AOX1: variants seen among roughly 807,000 people sequenced by gnomAD.
AOX1 encodes the protein aldehyde oxidase.
In AOX1, 153 loss-of-function variants were observed where a neutral mutation model predicts 169.5. The observed-to-expected ratio is 0.90, with a 90% CI of 0.79 to 1.03. AOX1 has a LOEUF of 1.03. AOX1 is among the 50% of genes least tolerant of loss of function. The probability of loss-of-function intolerance (pLI) is 0.00; values close to 1 mark genes in which losing one functional copy is unlikely to be tolerated. For synonymous variants in AOX1, 562 were observed against 581.9 expected (o/e 0.97, Z 0.49); for missense variants, 1,656 against 1,663.9 (o/e 1.00, Z 0.08).
At chr2:200,599,520 A>T in intron 4 of AOX1, 100 bp from the exon 5 acceptor site, 1 of 961,390 alleles carries the variant, frequency 1.0e-6, no homozygotes. Flanking sequence ...CTTAACATGC[A>T]GACAAATCAC....
chr2:200,674,237 A>T (rs2036064511), downstream of AOX1, among the ~76,000 whole-genome samples: 1 of 152,192 alleles, frequency 6.6e-6, no homozygotes, highest in South Asian at 2.1e-4. Flanking sequence ...TTGGCTCCAT[A>T]CTTGGGTACA....
intron 26 of AOX1, among the ~76,000 whole-genome samples, chr2:200,653,595 C>G (rs565695813): frequency 1.3e-5 from 2 of 152,232 alleles, no homozygotes; most frequent in Admixed American, 1.3e-4. Flanking sequence ...CCGCCTTCAT[C>G]GTCCCACAGG....
At chr2:200,634,231 A>T (rs1164888273) in intron 20 of AOX1, among the ~76,000 whole-genome samples, 2 of 125,080 alleles carry the variant, frequency 1.6e-5, no homozygotes, top group Non-Finnish European at 3.1e-5. Flanking sequence ...GCTTCTCCGG[A>T]ACTAAGTCTG....
rs1249376794 is a variant in AOX1 at position 200,668,754 on chromosome 2, T to C, written c.3749T>C (p.Ile1250Thr). 6.8e-6 allele frequency: 11 copies of C among 1,614,152 alleles called. No homozygotes were observed. In the Middle Eastern group the frequency reaches 4.9e-4, roughly 73 times the overall value. The change falls in exon 33 of 35, where the codon ATT (isoleucine) becomes ACT (threonine). Residue 1250 changes from isoleucine to threonine, a missense_variant. Ile to Thr is a moderately conservative substitution (Grantham distance 89). Coordinates refer to ENST00000374700, the MANE Select transcript of AOX1 (RefSeq NM_001159.4). ...AICDMPTELH[I>T]ALLPPSQNSN... is the part of the protein sequence containing the mutation. ...TGTGACATGCCCACGGAGTTGCACA[T>C]TGCTTTGTTGCCTCCTTCTCAAAAC...
Position 200,615,958 on chromosome 2 carries a change from T to C in AOX1, c.1612-13T>C. 3.8e-6 allele frequency: 6 copies of C among 1,596,282 alleles called. No homozygotes were observed. The South Asian group carries it at 6.6e-5, about 18-fold the overall frequency. On this transcript the variant is annotated splice_polypyrimidine_tract_variant and intron_variant, in intron 15 of 34. Coordinates refer to ENST00000374700, the MANE Select transcript of AOX1 (RefSeq NM_001159.4). Reference sequence around the variant, plus strand: ...AAACTATTTAAAATATCTGCAATGGTTCTACTTTTCAGGATCCAGTTCACT... The same window carrying C: ...AAACTATTTAAAATATCTGCAATGGCTCTACTTTTCAGGATCCAGTTCACT...
chr2:200,617,173 A>G (rs2034776189), intron 16 of AOX1, among the ~76,000 whole-genome samples: 1 of 152,190 alleles, frequency 6.6e-6, no homozygotes, highest in Non-Finnish European at 1.5e-5. Flanking sequence ...AGAGTTTATC[A>G]TTGATTGCAA....
chr2:200,663,572 A>ACTCTCTCT (rs1226325589), intron 31 of AOX1, among the ~76,000 whole-genome samples: 1 of 105,058 alleles, frequency 9.5e-6, no homozygotes, highest in Non-Finnish European at 2.0e-5. Context: ...ACACACACAC[A>ACTCTCTCT]CTCTCTCTCT....
At chr2:200,635,036 CA>C in intron 21 of AOX1, 121 bp downstream of exon 21, 1 of 1,249,098 alleles carries the variant, frequency 8.0e-7, no homozygotes, top group Non-Finnish European at 1.1e-6. Context: ...TGCTTGAACC[CA>C]GGAGCTCAAG....
At chr2:200,681,595 A>C (rs186330256), downstream of AOX1, 92 of 152,616 alleles carry the variant, frequency 6.0e-4, no homozygotes, top group African/African-American at 2.1e-3. Flanking sequence ...GCTCAAAAAA[A>C]TTTATTGATT....
At chr2:200,589,301 T>C (rs975855681) in intron 1 of AOX1, among the ~76,000 whole-genome samples, 2 of 152,174 alleles carry the variant, frequency 1.3e-5, no homozygotes, top group African/African-American at 4.8e-5. Flanking sequence ...ATGACCCATT[T>C]AACATGGAGT....
chr2:200,602,260 CAG>C (rs758789037), intron 5 of AOX1, 22 bp from the exon 6 acceptor site: 3 of 1,612,030 alleles, frequency 1.9e-6, no homozygotes, highest in Non-Finnish European at 2.5e-6. Flanking sequence ...ACTTGGCTAA[CAG>C]AGCTGGGTTT....
At chr2:200,658,945 G>A (rs928253055) in intron 27 of AOX1, among the ~76,000 whole-genome samples, 2 of 152,170 alleles carry the variant, frequency 1.3e-5, no homozygotes, top group Admixed American at 6.5e-5. Context: ...ACTATCACCA[G>A]AAAGTCAAAG....
At chr2:200,677,573 TG>T (rs2036118150), downstream of AOX1, among the ~76,000 whole-genome samples, 1 of 152,210 alleles carries the variant, frequency 6.6e-6, no homozygotes, top group African/African-American at 2.4e-5. Flanking sequence ...CTAGCAAGAA[TG>T]GAAGAGAAGT....
chr2:200,657,190 A>ATATATATATATATATATATATTTTTTTTT, intron 27 of AOX1, among the ~76,000 whole-genome samples: 1 of 62,914 alleles, frequency 1.6e-5, no homozygotes, highest in Non-Finnish European at 2.6e-5. Flanking sequence ...ATATATATAT[A>ATATATATATATATATATATATTTTTTTTT]TTTTTTTTTT....
In AOX1 at chr2:200,666,687, A is replaced by G; in HGVS notation, c.3544A>G (p.Asn1182Asp). The change falls in exon 32 of 35, where the codon AAC (asparagine) becomes GAC (aspartate). Residue 1182 changes from asparagine to aspartate, a missense_variant and splice_region_variant. Physicochemically the swap from Asn to Asp is conservative, Grantham distance 23. Coordinates refer to ENST00000374700, the MANE Select transcript of AOX1 (RefSeq NM_001159.4). ...CATTTTAACTTTTTTTTAATACTAG[A>G]ACATCAGAACAGACATTGTCATGGA... ...EIDCLTGDHKNIRTDIVMDVG... is the reference protein window; with the variant it reads ...EIDCLTGDHKDIRTDIVMDVG... 1 of 1,598,710 alleles carries G rather than the reference A, an allele frequency of 6.3e-7. No homozygotes were observed. Among genetic ancestry groups the G allele is most frequent in the Non-Finnish European group, 8.5e-7 (1 of 1,174,546 alleles).
At chr2:200,680,546 T>G (rs1260376989), downstream of AOX1, among the ~76,000 whole-genome samples, 1 of 151,980 alleles carries the variant, frequency 6.6e-6, no homozygotes, top group East Asian at 1.9e-4. Context: ...TTTTTGTTTT[T>G]GTTTTTGTTT....
At chr2:200,643,198 T>C (rs2035389082) in intron 25 of AOX1, among the ~76,000 whole-genome samples, 1 of 151,980 alleles carries the variant, frequency 6.6e-6, no homozygotes, top group African/African-American at 2.4e-5. Context: ...TTTTTTTTTT[T>C]TTGTAACATT....
intron 19 of AOX1, among the ~76,000 whole-genome samples, chr2:200,626,361 G>A (rs1238703343): frequency 6.6e-6 from 1 of 152,162 alleles, no homozygotes; most frequent in African/African-American, 2.4e-5. Flanking sequence ...ACCTACTGGT[G>A]GCCAGAAGGA....
chr2:200,661,893 T>G (rs1473431298), intron 30 of AOX1, among the ~76,000 whole-genome samples: 1 of 152,204 alleles, frequency 6.6e-6, no homozygotes, highest in Admixed American at 6.5e-5. Context: ...TGGGTGGTAT[T>G]ATAAGGCTCT....
Sources: allele counts gnomAD v4.1 joint callset (sites outside exome capture counted in the v4.1 genomes callset), GRCh38; gene constraint gnomAD v4.1.1; transcripts MANE v1.5; gene names NCBI Gene and HGNC (gene_info 2026-07-23, HGNC 2026-07-21).